Variants in CACNA1E observed in about 807,000 individuals in gnomAD.
The protein encoded by CACNA1E is voltage-dependent R-type calcium channel subunit alpha-1E.
CACNA1E carries 40 observed loss-of-function variants against 259.2 expected under a neutral mutation model. That is an observed-to-expected ratio of 0.15 (90% confidence interval 0.12 to 0.20). The LOEUF (loss-of-function observed/expected upper bound fraction) is 0.20. CACNA1E is among the 10% of genes least tolerant of loss of function. The pLI is 1.00. For missense variants in CACNA1E, 1,874 were observed against 3,040.1 expected, an observed-to-expected ratio of 0.62 and a Z score of 9.02; for synonymous variants, 1,104 against 1,138.5, an observed-to-expected ratio of 0.97 and a Z score of 0.61.
intron 30 of CACNA1E, among the ~76,000 whole-genome samples, chr1:181,757,587 A>G (rs991273702): frequency 4.6e-5 from 7 of 152,142 alleles, no homozygotes; most frequent in African/African-American, 1.7e-4. Flanking sequence ...ACTGTTAGGG[A>G]CTGTAAGAGA....
At chr1:181,320,568 A>G (rs1650263362) in intron 1 of CACNA1E, among the ~76,000 whole-genome samples, 1 of 152,256 alleles carries the variant, frequency 6.6e-6, no homozygotes, top group Non-Finnish European at 1.5e-5. Context: ...GAGGAAACTG[A>G]TGCTCAGAAA....
chr1:181,362,490 A>T (rs370644694), intron 1 of CACNA1E, among the ~76,000 whole-genome samples: 1 of 152,146 alleles, frequency 6.6e-6, no homozygotes, highest in African/African-American at 2.4e-5. Context: ...GCTTCTCCAG[A>T]CCTCAGTTTC....
chr1:181,410,366 G>T (rs934261511), intron 1 of CACNA1E, among the ~76,000 whole-genome samples: 8 of 152,116 alleles, frequency 5.3e-5, no homozygotes, highest in Non-Finnish European at 1.2e-4. Flanking sequence ...GGCCTTGGTG[G>T]CCAAGTACCG....
At chr1:181,600,173 C>T (rs544486761) in intron 6 of CACNA1E, among the ~76,000 whole-genome samples, 1 of 152,248 alleles carries the variant, frequency 6.6e-6, no homozygotes, top group South Asian at 2.1e-4. Context: ...AGATGGAGAG[C>T]CAGCAAGTGC....
At chr1:181,414,252 G>A (rs911103857) in intron 2 of CACNA1E, among the ~76,000 whole-genome samples, 3 of 152,172 alleles carry the variant, frequency 2.0e-5, no homozygotes, top group Admixed American at 6.5e-5. Flanking sequence ...TGTGGATGCC[G>A]GAGTTTACTC....
intron 3 of CACNA1E, among the ~76,000 whole-genome samples, chr1:181,526,766 A>G (rs1393893811): frequency 6.6e-6 from 1 of 152,180 alleles, no homozygotes; most frequent in Non-Finnish European, 1.5e-5. Context: ...CAAGTTATTT[A>G]ACCTCTCATC....
At chr1:181,369,686 C>G (rs1220199586) in intron 1 of CACNA1E, among the ~76,000 whole-genome samples, 1 of 152,146 alleles carries the variant, frequency 6.6e-6, no homozygotes, top group Non-Finnish European at 1.5e-5. Context: ...ACCAATGAGT[C>G]CCTTCTGTAT....
chr1:181,535,352 T>A (rs1668087300), intron 3 of CACNA1E, among the ~76,000 whole-genome samples: 1 of 151,982 alleles, frequency 6.6e-6, no homozygotes, highest in East Asian at 1.9e-4. Flanking sequence ...TGAACTAAGT[T>A]TTGAACAAGG....
intron 1 of CACNA1E, among the ~76,000 whole-genome samples, chr1:181,372,659 C>T (rs1308346893): frequency 6.6e-6 from 1 of 152,014 alleles, no homozygotes; most frequent in Non-Finnish European, 1.5e-5. Context: ...CAAGAGTGGG[C>T]ATCGTTATCT....
At chr1:181,614,887 AT>A (rs546663007) in intron 6 of CACNA1E, among the ~76,000 whole-genome samples, 38 of 152,146 alleles carry the variant, frequency 2.5e-4, no homozygotes, top group East Asian at 9.6e-4. Flanking sequence ...AAACGTCCAA[AT>A]TTTTTTTCCA....
intron 1 of CACNA1E, among the ~76,000 whole-genome samples, chr1:181,491,153 C>A (rs1458384899): frequency 6.6e-6 from 1 of 152,206 alleles, no homozygotes; most frequent in Non-Finnish European, 1.5e-5. Flanking sequence ...CAATTTCCAG[C>A]TGTGTTCTCC....
At chr1:181,709,844 G>T (rs1653163180) in intron 7 of CACNA1E, among the ~76,000 whole-genome samples, 5 of 152,166 alleles carry the variant, frequency 3.3e-5, no homozygotes, top group Admixed American at 3.3e-4. Context: ...TTCCCAGGTA[G>T]TAGGAGAACA....
rs941967474 is a variant in CACNA1E, at chr1:181,348,788, C to T, written c.-15+30665C>T. Among the ~76,000 whole-genome samples, 10 of 152,202 alleles carry T rather than the reference C, an allele frequency of 6.6e-5. 1 individual carries two copies. Among genetic ancestry groups the T allele is most frequent in the Admixed American group, 2.6e-4 (4 of 15,288 alleles). ...ACTGGGCATCTGTGCCTGGAGACAT[C>T]GATGTCTACTTACAACTTAGGAGAG... On this transcript the variant is annotated intron_variant, in intron 1 of 11. Coordinates refer to the CACNA1E transcript ENST00000524607.
intron 3 of CACNA1E, among the ~76,000 whole-genome samples, chr1:181,532,252 C>T (rs1230253220): frequency 6.6e-6 from 1 of 152,202 alleles, no homozygotes; most frequent in Non-Finnish European, 1.5e-5. Context: ...TGTGTTAATA[C>T]AGTCAGTTGT....
chr1:181,512,769 A>G (rs1256321922), intron 3 of CACNA1E, among the ~76,000 whole-genome samples: 2 of 152,246 alleles, frequency 1.3e-5, no homozygotes, highest in Non-Finnish European at 2.9e-5. Flanking sequence ...ATGACTATTC[A>G]TGTTTAAAAA....
chr1:181,364,648 C>G (rs1409341760), intron 1 of CACNA1E, among the ~76,000 whole-genome samples: 2 of 152,146 alleles, frequency 1.3e-5, no homozygotes, highest in African/African-American at 4.8e-5. Flanking sequence ...ATGCTGTGTC[C>G]TTGGTGAGTA....
chr1:181,551,837 C>T (rs977052841), intron 3 of CACNA1E, among the ~76,000 whole-genome samples: 2 of 152,094 alleles, frequency 1.3e-5, no homozygotes, highest in Non-Finnish European at 2.9e-5. Flanking sequence ...TACATTTTCT[C>T]CTCTCTCCCT....
intron 7 of CACNA1E, among the ~76,000 whole-genome samples, chr1:181,688,813 GC>G (rs1650846210): frequency 6.6e-6 from 1 of 152,054 alleles, no homozygotes; most frequent in Non-Finnish European, 1.5e-5. Flanking sequence ...TCCCACTCCA[GC>G]ACCTGGTAAC....
chr1:181,493,906 C>T (rs1664520170), intron 1 of CACNA1E, among the ~76,000 whole-genome samples: 1 of 152,218 alleles, frequency 6.6e-6, no homozygotes, highest in South Asian at 2.1e-4. Context: ...TCTCATGAGC[C>T]ACTCTGCACA....
Sources: allele counts gnomAD v4.1 joint callset (sites outside exome capture counted in the v4.1 genomes callset), GRCh38; gene constraint gnomAD v4.1.1; transcripts MANE v1.5; gene names NCBI Gene and HGNC (gene_info 2026-07-23, HGNC 2026-07-21).